The following GTF2A1L variants were observed in gnomAD, a reference collection of about 807,000 sequenced individuals.
The protein encoded by GTF2A1L is TFIIA-alpha and beta-like factor.
A neutral mutation model predicts 49.7 loss-of-function variants in GTF2A1L; 48 were observed. That is an observed-to-expected ratio of 0.97 (90% CI 0.77 to 1.23). GTF2A1L has a LOEUF of 1.23. GTF2A1L is among the 50% of genes most tolerant of loss of function. The probability of loss-of-function intolerance (pLI) is 0.00; values close to 1 mark genes in which losing one functional copy is unlikely to be tolerated. For synonymous variants in GTF2A1L, 246 were observed against 193.5 expected (o/e 1.27, Z -2.25); for missense variants, 736 against 564.8 (o/e 1.30, Z -3.07).
chr2:48,647,172 T>C, intron 6 of GTF2A1L, 130 bp downstream of exon 6: 2 of 887,786 alleles, frequency 2.3e-6, no homozygotes, highest in South Asian at 2.8e-5. Flanking sequence ...TAGAAGATTA[T>C]TTCTTTTTTC....
At chr2:48,647,146 A>G (rs1572732757) in intron 6 of GTF2A1L, 104 bp downstream of exon 6, 1 of 1,100,744 alleles carries the variant, frequency 9.1e-7, no homozygotes, top group East Asian at 2.9e-5. Flanking sequence ...AATTATATAT[A>G]TTTTGTTTTT....
chr2:48,671,797 T>G (rs988818798), intron 8 of GTF2A1L, 117 bp downstream of exon 8: 1 of 998,244 alleles, frequency 1.0e-6, no homozygotes, highest in African/African-American at 1.6e-5. Context: ...AAAACAGCAG[T>G]TTAATTCTGG....
At chr2:48,650,693 G>C (rs1346196173) in intron 6 of GTF2A1L, among the ~76,000 whole-genome samples, 1 of 151,996 alleles carries the variant, frequency 6.6e-6, no homozygotes, top group African/African-American at 2.4e-5. Flanking sequence ...TAAGAAGAAA[G>C]CCAATTTAAC....
At chr2:48,651,800 C>A (rs1013192503) in intron 6 of GTF2A1L, among the ~76,000 whole-genome samples, 3 of 152,214 alleles carry the variant, frequency 2.0e-5, no homozygotes, top group Admixed American at 2.0e-4. Flanking sequence ...CTTGTTTGAT[C>A]CTTGGGGAGA....
chr2:48,620,680 G>C (rs919770611), intron 1 of GTF2A1L, among the ~76,000 whole-genome samples, 171 bp from the exon 2 acceptor site: 1 of 152,118 alleles, frequency 6.6e-6, no homozygotes, highest in Non-Finnish European at 1.5e-5. Context: ...AGGAGGCTGA[G>C]GCAGGAGAAT....
chr2:48,633,231 C>A, intron 3 of GTF2A1L: 1 of 188,720 alleles, frequency 5.3e-6, no homozygotes, highest in East Asian at 1.4e-4. Flanking sequence ...ACCCTCTGTC[C>A]TACTGACTAT....
intron 3 of GTF2A1L, among the ~76,000 whole-genome samples, chr2:48,628,265 G>A (rs1676398466): frequency 7.0e-6 from 1 of 143,862 alleles, no homozygotes; most frequent in South Asian, 2.4e-4. Context: ...TGGGTCAAAT[G>A]GTAGTTCTAT....
intron 6 of GTF2A1L, among the ~76,000 whole-genome samples, chr2:48,666,730 T>G (rs550063970): frequency 1.3e-5 from 2 of 152,230 alleles, no homozygotes; most frequent in East Asian, 3.9e-4. Context: ...ACTCTCATAT[T>G]GTGGTTTTTA....
chr2:48,656,361 T>G (rs149010137), intron 6 of GTF2A1L, among the ~76,000 whole-genome samples: 22,392 of 141,214 alleles, frequency 0.16, 2,080 homozygotes, highest in South Asian at 0.23. Context: ...TTTTTTTTTT[T>G]TTTTTTTTTT....
chr2:48,638,345 G>A (rs140116676), intron 3 of GTF2A1L, among the ~76,000 whole-genome samples: 37 of 152,188 alleles, frequency 2.4e-4, no homozygotes, highest in East Asian at 1.9e-3. Flanking sequence ...CTTGTAAACC[G>A]AATTTAGCAG....
chr2:48,670,410 A>G (rs140773612), intron 7 of GTF2A1L, among the ~76,000 whole-genome samples: 3 of 152,074 alleles, frequency 2.0e-5, no homozygotes, highest in African/African-American at 7.2e-5. Context: ...ATATGCTTGG[A>G]TTTAAACTTT....
At chr2:48,673,052 T>C (rs1229496169) in intron 8 of GTF2A1L, among the ~76,000 whole-genome samples, 1 of 152,188 alleles carries the variant, frequency 6.6e-6, no homozygotes, top group Non-Finnish European at 1.5e-5. Context: ...TAATATGTGG[T>C]CTTTTGTTAC....
chr2:48,621,323 T>G (rs767778761), intron 3 of GTF2A1L, 33 bp downstream of exon 3: 39 of 1,613,592 alleles, frequency 2.4e-5, no homozygotes, highest in Non-Finnish European at 3.3e-5. Context: ...GTACTGTTAG[T>G]ATCTTCAGAA....
chr2:48,619,419 C>T (rs1451684630), intron 1 of GTF2A1L, among the ~76,000 whole-genome samples: 1 of 149,364 alleles, frequency 6.7e-6, no homozygotes, highest in African/African-American at 2.5e-5. Context: ...GCAGTGGGCC[C>T]AGATTGTGCT....
intron 6 of GTF2A1L, among the ~76,000 whole-genome samples, chr2:48,654,558 ATTT>A (rs1238103628): frequency 1.3e-5 from 2 of 151,984 alleles, no homozygotes; most frequent in African/African-American, 4.8e-5. Flanking sequence ...AATTTTTTGT[ATTT>A]TTAGTACAGA....
At chr2:48,619,086 A>G (rs1675827154) in intron 1 of GTF2A1L, among the ~76,000 whole-genome samples, 2 of 152,206 alleles carry the variant, frequency 1.3e-5, no homozygotes, top group African/African-American at 4.8e-5. Flanking sequence ...TGTGCTTGTG[A>G]ATAACATTAT....
chr2:48,652,490 C>T (rs1158019950), intron 6 of GTF2A1L, among the ~76,000 whole-genome samples: 1 of 151,246 alleles, frequency 6.6e-6, no homozygotes, highest in Non-Finnish European at 1.5e-5. Context: ...GTGGCAGGCA[C>T]CTGTAATCCC....
In GTF2A1L at chr2:48,621,298, A is replaced by G. The variant is rs1675987028; in HGVS notation, c.247+8A>G. ...CATTGCAATCGTCAACAGGTTGGAT[A>G]CCATTAGTAAATGAGTACTGTTAGT... On this transcript the variant is annotated splice_region_variant and intron_variant, in intron 3 of 8. Coordinates refer to ENST00000403751, the MANE Select transcript of GTF2A1L (RefSeq NM_006872.5). 1 of 1,613,928 alleles carries G rather than the reference A, an allele frequency of 6.2e-7. No individual in the cohort carries two copies. The highest frequency in any genetic ancestry group is 8.5e-7 in the Non-Finnish European group (1 of 1,179,992).
chr2:48,650,477 A>G (rs963925843), intron 6 of GTF2A1L, among the ~76,000 whole-genome samples: 13 of 152,202 alleles, frequency 8.5e-5, no homozygotes, highest in African/African-American at 3.1e-4. Flanking sequence ...TGAGAGGATA[A>G]GAGAATATAT....
Sources: gnomAD v4.1 joint callset for allele counts (sites outside exome capture counted in the v4.1 genomes callset) on GRCh38, gnomAD v4.1.1 for gene constraint, MANE v1.5 for transcripts, NCBI Gene and HGNC (gene_info 2026-07-23, HGNC 2026-07-21) for gene names.